POLR3B: variants seen among roughly 807,000 people sequenced by gnomAD.
The protein encoded by POLR3B is DNA-directed RNA polymerase III subunit RPC2.
POLR3B carries 96 observed loss-of-function variants against 147.4 expected under a neutral mutation model. That is an observed-to-expected ratio of 0.65 (90% CI 0.55 to 0.77). POLR3B has a LOEUF of 0.77. Among genes scored for constraint, POLR3B ranks in the 30% least tolerant of loss-of-function variants. The pLI, the probability that POLR3B is intolerant of heterozygous loss-of-function variation, is 0.00. For missense variants in POLR3B, 1,036 were observed against 1,413.5 expected, an observed-to-expected ratio of 0.73 and a Z score of 4.28; for synonymous variants, 461 against 485.9, an observed-to-expected ratio of 0.95 and a Z score of 0.67.
At chr12:106,442,937 A>G (rs2037672872) in intron 18 of POLR3B, among the ~76,000 whole-genome samples, 1 of 152,218 alleles carries the variant, frequency 6.6e-6, no homozygotes. Context: ...GCAGAAATAT[A>G]TTATGAAAGT....
intron 10 of POLR3B, 132 bp downstream of exon 10, chr12:106,393,285 A>T: frequency 7.5e-7 from 1 of 1,336,674 alleles, no homozygotes. Flanking sequence ...ATATGGGAGG[A>T]GTGAAGTTTC....
chr12:106,463,537 A>G lies in POLR3B; in HGVS notation c.2630A>G (p.Asp877Gly). ...GTGATGATATCTTCAAATGCTGAAG[A>G]TGCTTTTCTGATCAAAATGCTGCTG... ...EKVMISSNAEDAFLIKMLLRQ... is the reference protein window; with the variant it reads ...EKVMISSNAEGAFLIKMLLRQ... The change falls in exon 23 of 28, where the codon GAT becomes GGT. Residue 877 changes from aspartate to glycine, a missense_variant. Around this residue, in one of 12 missense-constraint regions of POLR3B, gnomAD observed 202 missense variants for 272.8 expected, o/e 0.74. Transcript: ENST00000228347. 3 of 1,613,280 alleles carry G rather than the reference A, an allele frequency of 1.9e-6. No individual in the cohort carries two copies. Among genetic ancestry groups the G allele is most frequent in the Non-Finnish European group, 2.5e-6 (3 of 1,179,252 alleles).
intron 20 of POLR3B, among the ~76,000 whole-genome samples, chr12:106,455,178 A>G (rs1412736585): frequency 1.3e-5 from 2 of 152,226 alleles, no homozygotes; most frequent in African/African-American, 4.8e-5. Context: ...AAAGTTAAAA[A>G]TACACGGCCA....
At chr12:106,458,148 G>T (rs1184066409) in intron 21 of POLR3B, among the ~76,000 whole-genome samples, 1 of 152,036 alleles carries the variant, frequency 6.6e-6, no homozygotes, top group Non-Finnish European at 1.5e-5. Context: ...TTGAGACAGG[G>T]TCTCAGTCTG....
At chr12:106,453,852 T>G (rs1166500848) in intron 19 of POLR3B, among the ~76,000 whole-genome samples, 1 of 152,138 alleles carries the variant, frequency 6.6e-6, no homozygotes, top group South Asian at 2.1e-4. Flanking sequence ...CACCCCTGAT[T>G]GGGCTGTACC....
chr12:106,362,331 G>T (rs1473700443), intron 1 of POLR3B, among the ~76,000 whole-genome samples: 1 of 152,126 alleles, frequency 6.6e-6, no homozygotes, highest in Non-Finnish European at 1.5e-5. Flanking sequence ...GGAATTTGAA[G>T]ATGTGGGAGT....
At chr12:106,454,195 T>C (rs973120342) in intron 19 of POLR3B, among the ~76,000 whole-genome samples, 1 of 152,224 alleles carries the variant, frequency 6.6e-6, no homozygotes, top group Non-Finnish European at 1.5e-5. Context: ...AAAGAATTGT[T>C]GATTGTGAAA....
chr12:106,493,626 C>T (rs2038435054), intron 23 of POLR3B, among the ~76,000 whole-genome samples: 1 of 152,164 alleles, frequency 6.6e-6, no homozygotes, highest in South Asian at 2.1e-4. Flanking sequence ...AGTCAGCGGA[C>T]CAGAATAAGT....
At chr12:106,488,861 C>A (rs1324404252) in intron 23 of POLR3B, among the ~76,000 whole-genome samples, 1 of 152,258 alleles carries the variant, frequency 6.6e-6, no homozygotes, top group Non-Finnish European at 1.5e-5. Flanking sequence ...TAAAAAAAAT[C>A]TTTAACAAAA....
At chr12:106,447,567 T>C (rs1027475042) in intron 19 of POLR3B, among the ~76,000 whole-genome samples, 4 of 152,192 alleles carry the variant, frequency 2.6e-5, no homozygotes, top group African/African-American at 9.6e-5. Flanking sequence ...TCCAGGTCAC[T>C]CGCTCAGCAC....
At chr12:106,359,629 G>A (rs1192120540) in intron 1 of POLR3B, among the ~76,000 whole-genome samples, 1 of 152,076 alleles carries the variant, frequency 6.6e-6, no homozygotes, top group African/African-American at 2.4e-5. Flanking sequence ...GTGCCCGGCT[G>A]CAAAACTGTA....
intron 16 of POLR3B, among the ~76,000 whole-genome samples, chr12:106,436,560 A>T (rs184456823): frequency 1.5e-3 from 223 of 152,350 alleles, no homozygotes; most frequent in African/African-American, 5.1e-3. Context: ...CTGGATATTC[A>T]TCAGAACCTC....
intron 10 of POLR3B, among the ~76,000 whole-genome samples, chr12:106,399,631 A>G (rs1048129472): frequency 4.6e-5 from 7 of 152,230 alleles, no homozygotes; most frequent in South Asian, 4.1e-4. Flanking sequence ...CGGATCTCTC[A>G]GCAGAAACTC....
At chr12:106,413,846 A>G (rs575794961) in intron 12 of POLR3B, among the ~76,000 whole-genome samples, 3 of 150,830 alleles carry the variant, frequency 2.0e-5, no homozygotes, top group African/African-American at 7.3e-5. Context: ...CTCTTAGTTC[A>G]TTTTCTATTC....
At position 106,457,291 on chromosome 12, in the gene POLR3B, C is replaced by T. The variant is rs914501175; in HGVS notation, c.2447C>T (p.Ser816Phe). Residue 816 changes from serine (S) to phenylalanine (F), a missense_variant, in exon 21 of 28, where the codon TCT (serine) becomes TTT (phenylalanine). Ser to Phe is a radical substitution (Grantham distance 155). Coordinates refer to ENST00000228347, the MANE Select transcript of POLR3B (RefSeq NM_018082.6). ...ATCTTAGATGCAGATGGTATTTGTT[C>T]TCCAGGTAAAAGCCTTTTAAAAGAA... ...HEILDADGIC[S>F]PGEKVENKQV... 4 of 1,613,076 alleles carry T rather than the reference C, an allele frequency of 2.5e-6. No individual in the cohort carries two copies.
At chr12:106,369,442 A>AT in intron 5 of POLR3B, 92 bp downstream of exon 5, 1 of 951,480 alleles carries the variant, frequency 1.1e-6, no homozygotes. Context: ...TAAAAATGGG[A>AT]TGGGGGGGGA....
intron 24 of POLR3B, 173 bp from the exon 25 acceptor site, chr12:106,496,579 T>C (rs933077355): frequency 7.7e-6 from 5 of 651,532 alleles, no homozygotes; most frequent in Non-Finnish European, 1.1e-5. Flanking sequence ...ACCTATCTCA[T>C]AGGGGTATTG....
intron 23 of POLR3B, among the ~76,000 whole-genome samples, chr12:106,464,019 C>A (rs2137037443): frequency 6.6e-6 from 1 of 152,086 alleles, no homozygotes; most frequent in East Asian, 1.9e-4. Flanking sequence ...CTAGAAGACA[C>A]CTCAGAGTTA....
intron 27 of POLR3B, among the ~76,000 whole-genome samples, chr12:106,508,138 A>G (rs1360702519): frequency 6.6e-6 from 1 of 152,146 alleles, no homozygotes; most frequent in Non-Finnish European, 1.5e-5. Flanking sequence ...ATTTCAATAA[A>G]TGTGTGTCCA....
Sources: gnomAD v4.1 joint callset for allele counts (sites outside exome capture counted in the v4.1 genomes callset) on GRCh38, gnomAD v4.1.1 for gene constraint, gnomAD v4.1.1 regional missense constraint, MANE v1.5 for transcripts, NCBI Gene and HGNC (gene_info 2026-07-23, HGNC 2026-07-21) for gene names.